The following TMED10 variants were observed in gnomAD, a reference collection of about 807,000 sequenced individuals.
TMED10 encodes transmembrane p24 trafficking protein 10.
TMED10 carries 7 observed loss-of-function variants against 23.1 expected under a neutral mutation model. The observed-to-expected ratio is 0.30, with a 90% CI of 0.17 to 0.57. The LOEUF is 0.57. Among genes scored for constraint, TMED10 ranks in the 20% least tolerant of loss-of-function variants. The pLI is 0.91. For missense variants in TMED10, 162 were observed against 274.8 expected, an observed-to-expected ratio of 0.59 and a Z score of 2.90; for synonymous variants, 113 against 106.9, an observed-to-expected ratio of 1.06 and a Z score of -0.35.
intron 1 of TMED10, among the ~76,000 whole-genome samples, chr14:75,165,458 C>A (rs886743212): frequency 6.6e-6 from 1 of 152,122 alleles, no homozygotes; most frequent in African/African-American, 2.4e-5. Context: ...GAACTCCTGA[C>A]CTTGTGATCC....
At chr14:75,137,184 G>A (rs1895760313) in intron 3 of TMED10, among the ~76,000 whole-genome samples, 1 of 150,792 alleles carries the variant, frequency 6.6e-6, no homozygotes, top group Admixed American at 6.6e-5. Context: ...CTAATTTTTT[G>A]TATTTTTAGT....
intron 3 of TMED10, among the ~76,000 whole-genome samples, chr14:75,147,185 G>GTTTTTTTTTTGTTTTTTTTTTTTTTTT (rs1491353231): frequency 3.4e-5 from 4 of 116,634 alleles, no homozygotes; most frequent in African/African-American, 1.5e-4. Context: ...CTTCAAGGCT[G>GTTTTTTTTTTGTTTTTTTTTTTTTTTT]TTTTTTTTTT....
intron 3 of TMED10, among the ~76,000 whole-genome samples, chr14:75,145,923 G>A (rs1895878252): frequency 6.6e-6 from 1 of 152,026 alleles, no homozygotes; most frequent in African/African-American, 2.4e-5. Context: ...ACCACAAACT[G>A]GAAATCATTT....
At chr14:75,143,604 A>G (rs1375809805) in intron 3 of TMED10, among the ~76,000 whole-genome samples, 2 of 152,174 alleles carry the variant, frequency 1.3e-5, no homozygotes, top group African/African-American at 4.8e-5. Context: ...GAGCACAGCA[A>G]TAAATGTGAA....
chr14:75,141,475 A>C (rs2139834898), intron 3 of TMED10, among the ~76,000 whole-genome samples: 1 of 152,298 alleles, frequency 6.6e-6, no homozygotes, highest in South Asian at 2.1e-4. Context: ...GGGATGAAAA[A>C]GGTAGTATAA....
At position 75,134,199 on chromosome 14, in the gene TMED10, A is replaced by ATACACGAAAAAAGTTCAAGCAGT. The variant is rs1895720883; in HGVS notation, c.*685_*686insACTGCTTGAACTTTTTTCGTGTA. 1 of 151,660 alleles carries ATACACGAAAAAAGTTCAAGCAGT rather than the reference A, an allele frequency of 6.6e-6. No homozygotes were observed. Among genetic ancestry groups the ATACACGAAAAAAGTTCAAGCAGT allele is most frequent in the South Asian group, 1.9e-4 (1 of 5,162 alleles). 9.4% of individuals were successfully genotyped at this position (151,660 alleles called of 1,614,324 possible). On this transcript the variant is annotated 3_prime_UTR_variant, in exon 5 of 5. Transcript: ENST00000303575. ...TGATGGTGGTCACATGAATCTACACATGTGATAATATTGCATAGAATTAAA... is the reference window on the plus strand; with the variant it reads ...TGATGGTGGTCACATGAATCTACACATACACGAAAAAAGTTCAAGCAGTTGTGATAATATTGCATAGAATTAAA...
At chr14:75,149,766 C>A (rs1471360848) in intron 2 of TMED10, among the ~76,000 whole-genome samples, 1 of 152,172 alleles carries the variant, frequency 6.6e-6, no homozygotes, top group Non-Finnish European at 1.5e-5. Context: ...TGAGCAAAGG[C>A]TCAGATATTA....
intron 2 of TMED10, among the ~76,000 whole-genome samples, chr14:75,151,301 C>T (rs968751138): frequency 6.6e-6 from 1 of 151,820 alleles, no homozygotes; most frequent in African/African-American, 2.4e-5. Context: ...CTCACTGCAA[C>T]CTCCACCTCC....
chr14:75,151,618 G>A (rs1895956917), intron 2 of TMED10, among the ~76,000 whole-genome samples: 1 of 152,084 alleles, frequency 6.6e-6, no homozygotes, highest in African/African-American at 2.4e-5. Flanking sequence ...TCTTACATAT[G>A]CATAGCCTCC....
intron 1 of TMED10, 52 bp from the exon 2 acceptor site, chr14:75,152,195 A>C: frequency 7.2e-7 from 1 of 1,388,112 alleles, no homozygotes. Context: ...TCAGGAAGAG[A>C]ACTTACAGAA....
intron 3 of TMED10, among the ~76,000 whole-genome samples, chr14:75,140,457 C>T (rs1895808734): frequency 1.3e-5 from 2 of 151,932 alleles, no homozygotes; most frequent in African/African-American, 2.4e-5. Context: ...CCTGTAATCT[C>T]AGCACTTTGG....
intron 3 of TMED10, among the ~76,000 whole-genome samples, chr14:75,146,724 A>G (rs1306052542): frequency 6.6e-6 from 1 of 152,192 alleles, no homozygotes; most frequent in East Asian, 1.9e-4. Flanking sequence ...AGTCTATAAT[A>G]AATAACTTCT....
intron 1 of TMED10, among the ~76,000 whole-genome samples, chr14:75,154,963 C>CT (rs370106706): frequency 1.5e-3 from 212 of 138,684 alleles, no homozygotes; most frequent in East Asian, 5.1e-3. Flanking sequence ...TCACCTGGCC[C>CT]TTTTTTTTTT....
intron 1 of TMED10, among the ~76,000 whole-genome samples, chr14:75,167,092 C>T (rs1302375195): frequency 6.6e-6 from 1 of 152,086 alleles, no homozygotes; most frequent in Non-Finnish European, 1.5e-5. Flanking sequence ...CAGGTGCACA[C>T]TACCACGCCT....
intron 1 of TMED10, among the ~76,000 whole-genome samples, chr14:75,169,898 T>G (rs139229202): frequency 1.3e-5 from 2 of 152,162 alleles, no homozygotes; most frequent in Non-Finnish European, 2.9e-5. Context: ...AAATGATGCA[T>G]AGGGAGAATC....
intron 1 of TMED10, among the ~76,000 whole-genome samples, chr14:75,157,162 G>A (rs2139848141): frequency 6.6e-6 from 1 of 152,228 alleles, no homozygotes; most frequent in Non-Finnish European, 1.5e-5. Context: ...GAAAAGAAAA[G>A]GCACATGCAT....
intron 3 of TMED10, among the ~76,000 whole-genome samples, chr14:75,142,616 T>G (rs1040397950): frequency 2.0e-5 from 3 of 152,192 alleles, no homozygotes; most frequent in Non-Finnish European, 4.4e-5. Context: ...ATTCACAAAT[T>G]GTTTTATTTT....
At chr14:75,173,907 T>C (rs1159183108) in intron 1 of TMED10, among the ~76,000 whole-genome samples, 1 of 152,124 alleles carries the variant, frequency 6.6e-6, no homozygotes, top group Non-Finnish European at 1.5e-5. Flanking sequence ...ATTTTTGTAT[T>C]TTTAGTAGAG....
Position 75,134,891 on chromosome 14 carries a change from A to T in TMED10, c.654T>A (p.Ile218=), listed in dbSNP as rs1392315626. ...GGAGAATATGCCTCATTCATTACTC[A>T]ATCAATTTCTTGGCCTTGAAGAAGC... is the stretch of plus-strand genomic sequence containing the variant. ...LRRFFKAKKL[I]E is the part of the protein sequence containing the mutation. Residue 218 remains isoleucine (I), a synonymous_variant, in exon 5 of 5, where the codon ATT becomes ATA. Transcript: ENST00000303575. 6.2e-7 allele frequency: 1 copy of T among 1,613,980 alleles called. No individual in the cohort carries two copies. Among genetic ancestry groups the T allele is most frequent in the Non-Finnish European group, 8.5e-7 (1 of 1,179,910 alleles).
Sources: allele counts gnomAD v4.1 joint callset (sites outside exome capture counted in the v4.1 genomes callset), GRCh38; gene constraint gnomAD v4.1.1; transcripts MANE v1.5; gene names NCBI Gene and HGNC (gene_info 2026-07-23, HGNC 2026-07-21).